ATAD1: variants seen among roughly 807,000 people sequenced by gnomAD.
The protein encoded by ATAD1 is ATPase family AAA domain containing 1.
A neutral mutation model predicts 42.7 loss-of-function variants in ATAD1; 18 were observed. The observed-to-expected ratio is 0.42, with a 90% CI of 0.29 to 0.63. The LOEUF (loss-of-function observed/expected upper bound fraction) is 0.63, where lower values mean the gene tolerates loss of function less well. Among genes scored for constraint, ATAD1 ranks in the 20% least tolerant of loss-of-function variants. The probability of loss-of-function intolerance (pLI) is 0.19; values close to 1 mark genes in which losing one functional copy is unlikely to be tolerated. For synonymous variants in ATAD1, 132 were observed against 143.1 expected (o/e 0.92, Z 0.55); for missense variants, 294 against 440.4 (o/e 0.67, Z 2.98).
chr10:87,781,483 C>T (rs1022138542), intron 5 of ATAD1, among the ~76,000 whole-genome samples: 1 of 152,196 alleles, frequency 6.6e-6, no homozygotes, highest in East Asian at 1.9e-4. Context: ...ATTTTGTGTA[C>T]CAACAAGAAA....
rs141559491 is a variant in ATAD1 at position 87,836,520 on chromosome 10, C to T, written c.-14+4667G>A. 1.1e-4 allele frequency among the ~76,000 whole-genome samples: 17 copies of T among 152,262 alleles called. 1 individual carries two copies. The East Asian group carries it at 1.7e-3, about 16-fold the overall frequency. On this transcript the variant is annotated intron_variant, in intron 1 of 4. Transcript: ENST00000495903. ...AGTTGTTCTACTTCATTCTAGCCTC[C>T]GTGGTTTCTGATGAGAAATCTGCAG...
chr10:87,754,802 T>C lies in ATAD1; in HGVS notation c.971A>G (p.Asp324Gly). Residue 324 changes from aspartate (D) to glycine (G), a missense_variant, in exon 10 of 10, where the codon GAC (aspartate) becomes GGC (glycine). Asp to Gly is a moderately conservative substitution (Grantham distance 94, BLOSUM62 -1). This residue lies in a region of ATAD1 where 142 missense variants were observed against 174.6 expected (regional missense o/e 0.81). Transcript: ENST00000680024. ...TTGAACAGGCCGAATTTCATCTTCG[T>C]CATGGCTAAAATGCAAACAAAACCA... ...YVNSTSEESHDEDEIRPVQQQ... is the reference protein window; with the variant it reads ...YVNSTSEESHGEDEIRPVQQQ... 6.2e-7 allele frequency: 1 copy of C among 1,612,496 alleles called. No homozygotes were observed. The highest frequency in any genetic ancestry group is 1.1e-5 in the South Asian group (1 of 90,954).
intron 1 of ATAD1, among the ~76,000 whole-genome samples, chr10:87,827,276 T>C (rs1429398101): frequency 6.6e-5 from 10 of 152,254 alleles, no homozygotes; most frequent in Admixed American, 6.5e-4. Context: ...TTCTAAATTA[T>C]GACAGTACTC....
intron 6 of ATAD1, among the ~76,000 whole-genome samples, chr10:87,772,411 C>T (rs1445753285): frequency 6.6e-6 from 1 of 151,844 alleles, no homozygotes; most frequent in African/African-American, 2.4e-5. Flanking sequence ...CCACACCCAG[C>T]CTCTTTATTG....
At position 87,754,541 on chromosome 10, in the gene ATAD1, A is replaced by T. The variant is rs1854135113; in HGVS notation, c.*146T>A. On this transcript the variant is annotated 3_prime_UTR_variant, in exon 10 of 10. Coordinates refer to ENST00000680024, the MANE Select transcript of ATAD1 (RefSeq NM_001321967.2). The stretch of plus-strand genomic sequence containing the variant: ...GTAATACCACCTATGTAACAACTAT[A>T]TCTCAATAACTTAGAATTCAGAGTA... 7.3e-6 allele frequency: 7 copies of T among 959,024 alleles called. No homozygotes were observed. In the East Asian group the frequency reaches 1.9e-4, roughly 26 times the overall value. 59.4% of individuals were successfully genotyped at this position (959,024 alleles called of 1,614,324 possible). A position where few individuals can be genotyped will look rare whatever the true frequency, so the allele number is the denominator to read the frequency against.
chr10:87,802,990 C>A (rs2132008714), intron 2 of ATAD1, among the ~76,000 whole-genome samples: 1 of 152,202 alleles, frequency 6.6e-6, no homozygotes, highest in East Asian at 1.9e-4. Flanking sequence ...TTTCTTAATG[C>A]CCTAAGAACT....
At chr10:87,831,787 C>T (rs539892547) in intron 1 of ATAD1, among the ~76,000 whole-genome samples, 2 of 152,122 alleles carry the variant, frequency 1.3e-5, no homozygotes, top group Admixed American at 6.5e-5. Context: ...TGGTTAAGAA[C>T]CTGGTGCATT....
At chr10:87,797,638 G>A (rs1038729113) in intron 2 of ATAD1, among the ~76,000 whole-genome samples, 22 of 152,108 alleles carry the variant, frequency 1.4e-4, no homozygotes, top group African/African-American at 5.3e-4. Flanking sequence ...TTGGCTTGGG[G>A]GTACCAGAGA....
intron 5 of ATAD1, among the ~76,000 whole-genome samples, chr10:87,781,399 G>A (rs1050601811): frequency 6.6e-6 from 1 of 152,094 alleles, no homozygotes; most frequent in African/African-American, 2.4e-5. Flanking sequence ...ATAGTTGAAA[G>A]ATTAAATATA....
rs76559185 is a variant in ATAD1 at position 87,781,276 on chromosome 10, T to C, written c.583+3194A>G. 1.9e-4 allele frequency among the ~76,000 whole-genome samples: 29 copies of C among 151,910 alleles called. No individual in the cohort carries two copies. The East Asian group carries it at 5.2e-3, about 27-fold the overall frequency. ...TAGTATGTTTAAAATTCTAAAGATA[T>C]AAAAGGGATTGAAATTCTAAAATAA... is the stretch of plus-strand genomic sequence containing the variant. On this transcript the variant is annotated intron_variant, in intron 5 of 9. Transcript: ENST00000680024.
rs983145643 is a variant in ATAD1 at position 87,752,273 on chromosome 10, A to C, written c.*2414T>G. 1 of 152,220 alleles carries C rather than the reference A, an allele frequency of 6.6e-6. No homozygotes were observed. The highest frequency in any genetic ancestry group is 2.4e-5 in the African/African-American group (1 of 41,460). 9.4% of individuals were successfully genotyped at this position (152,220 alleles called of 1,614,324 possible). A position where few individuals can be genotyped will look rare whatever the true frequency, so the allele number is the denominator to read the frequency against. On this transcript the variant is annotated 3_prime_UTR_variant, in exon 10 of 10. Transcript: ENST00000680024. ...GATGCTTTTAGAGAAACATGGCATA[A>C]ATGATCCTTTCAGTCTCAATCCCTG...
chr10:87,784,733 C>T, intron 4 of ATAD1, 63 bp from the exon 5 acceptor site: 1 of 1,451,378 alleles, frequency 6.9e-7, no homozygotes, highest in East Asian at 2.3e-5. Context: ...ATATGATAAT[C>T]AATAGAATAG....
rs545208627 is a variant in ATAD1, at chr10:87,795,551, C to CAA, written c.163-2798_163-2797dup. ...AGTTGGATGGGGAGTGTGTGGGGGC[C>CAA]AAAAGAAGGAGGAAAACTTACTTTT... On this transcript the variant is annotated intron_variant, in intron 2 of 9. Coordinates refer to ENST00000680024, the MANE Select transcript of ATAD1 (RefSeq NM_001321967.2). Among the ~76,000 whole-genome samples the CAA allele has an allele frequency of 3.5e-3, 532 of 150,306 alleles. 3 individuals carry two copies. Among genetic ancestry groups the CAA allele is most frequent in the African/African-American group, 0.013 (513 of 40,834 alleles).
chr10:87,764,059 T>C (rs112593432), intron 8 of ATAD1, among the ~76,000 whole-genome samples: 1 of 152,012 alleles, frequency 6.6e-6, no homozygotes, highest in Non-Finnish European at 1.5e-5. Context: ...AAAACAGTAT[T>C]AATCCTAGTG....
intron 8 of ATAD1, among the ~76,000 whole-genome samples, chr10:87,764,901 G>C (rs1478886680): frequency 6.6e-6 from 1 of 152,036 alleles, no homozygotes; most frequent in Non-Finnish European, 1.5e-5. Context: ...AAGTATCAAA[G>C]AATTGCAAAT....
intron 6 of ATAD1, among the ~76,000 whole-genome samples, chr10:87,775,792 C>G (rs1330008922): frequency 6.6e-6 from 1 of 152,058 alleles, no homozygotes; most frequent in Non-Finnish European, 1.5e-5. Flanking sequence ...GCCTAGGATA[C>G]AAGTCTGTCT....
At chr10:87,793,112 T>C (rs1205242996) in intron 2 of ATAD1, among the ~76,000 whole-genome samples, 1 of 152,180 alleles carries the variant, frequency 6.6e-6, no homozygotes, top group Non-Finnish European at 1.5e-5. Context: ...AAAGGTGAAA[T>C]CTCAAGAGGA....
chr10:87,781,082 GA>G (rs1855538836), intron 5 of ATAD1, among the ~76,000 whole-genome samples: 1 of 152,078 alleles, frequency 6.6e-6, no homozygotes, highest in African/African-American at 2.4e-5. Context: ...GCTGAGGACA[GA>G]AAAAGTACTC....
intron 8 of ATAD1, among the ~76,000 whole-genome samples, chr10:87,758,395 G>C (rs1463282787): frequency 2.6e-5 from 4 of 152,124 alleles, no homozygotes; most frequent in South Asian, 2.1e-4. Flanking sequence ...CTCAGGACTA[G>C]AGGGTTGGGA....
Sources: gnomAD v4.1 joint callset for allele counts (sites outside exome capture counted in the v4.1 genomes callset) on GRCh38, gnomAD v4.1.1 for gene constraint, gnomAD v4.1.1 regional missense constraint, MANE v1.5 for transcripts, NCBI Gene and HGNC (gene_info 2026-07-23, HGNC 2026-07-21) for gene names.